The following GSG1L variants were observed in gnomAD, a reference collection of about 807,000 sequenced individuals.
GSG1L encodes the protein germ cell-specific gene 1-like protein.
A neutral mutation model predicts 42.1 loss-of-function variants in GSG1L; 24 were observed. The ratio of observed to expected loss-of-function variants is 0.57; its 90% CI spans 0.41 to 0.80. GSG1L has a LOEUF of 0.80. GSG1L is among the 30% of genes least tolerant of loss of function. The pLI is 0.00. For missense variants in GSG1L, 445 were observed against 472.2 expected (o/e 0.94, Z 0.53); for synonymous variants, 215 against 203.5 (o/e 1.06, Z -0.48).
intron 1 of GSG1L, among the ~76,000 whole-genome samples, chr16:27,979,731 G>GAA (rs745860945): frequency 2.8e-5 from 1 of 35,656 alleles, no homozygotes; most frequent in Non-Finnish European, 6.0e-5. Flanking sequence ...AGGAAGGAAA[G>GAA]AAAAAGAAAG....
At chr16:28,050,675 T>A (rs2086212602) in intron 1 of GSG1L, among the ~76,000 whole-genome samples, 1 of 152,348 alleles carries the variant, frequency 6.6e-6, no homozygotes, top group Admixed American at 6.5e-5. Context: ...AGAAAAAATG[T>A]AAAGCAGGCT....
chr16:27,870,576 C>A (rs183490944), intron 3 of GSG1L, among the ~76,000 whole-genome samples: 1 of 151,652 alleles, frequency 6.6e-6, no homozygotes, highest in East Asian at 1.9e-4. Context: ...CCACTCTCCT[C>A]TCTTCCCTTC....
rs187818374 is a variant in GSG1L at position 27,929,691 on chromosome 16, T to C, written c.397+33465A>G. Among the ~76,000 whole-genome samples, 88 of 152,312 alleles carry C rather than the reference T, an allele frequency of 5.8e-4. 1 individual carries two copies. The highest frequency in any genetic ancestry group is 2.0e-3 in the African/African-American group (83 of 41,566). On this transcript the variant is annotated intron_variant, in intron 2 of 6. Transcript: ENST00000447459. Reference sequence around the variant, plus strand: ...CCTATTACCCTGTCTAAATTGTGTTTCTTTTATTTGTGGTTTGGAAAAGTA... The same window carrying C: ...CCTATTACCCTGTCTAAATTGTGTTCCTTTTATTTGTGGTTTGGAAAAGTA...
chr16:27,913,312 G>A (rs1180524987), intron 2 of GSG1L, among the ~76,000 whole-genome samples: 1 of 152,170 alleles, frequency 6.6e-6, no homozygotes, highest in African/African-American at 2.4e-5. Context: ...GTTCTATCTA[G>A]AAGTCAAGAA....
intron 2 of GSG1L, among the ~76,000 whole-genome samples, chr16:27,902,754 C>T (rs2084275807): frequency 6.6e-6 from 1 of 152,194 alleles, no homozygotes; most frequent in East Asian, 1.9e-4. Context: ...CTGGCTGGAT[C>T]TTGGTTTTCT....
intron 3 of GSG1L, among the ~76,000 whole-genome samples, chr16:27,850,141 G>A (rs903076484): frequency 7.3e-6 from 1 of 137,770 alleles, no homozygotes; most frequent in South Asian, 2.3e-4. Flanking sequence ...TGATTCTCCT[G>A]CCTCAGCCTC....
chr16:28,058,668 G>A (rs776595694), intron 1 of GSG1L, among the ~76,000 whole-genome samples: 2 of 148,216 alleles, frequency 1.3e-5, no homozygotes, highest in Non-Finnish European at 3.0e-5. Context: ...TTAGAGCAAT[G>A]CCTTCCATCA....
chr16:27,873,662 C>A (rs116657850), intron 3 of GSG1L, among the ~76,000 whole-genome samples: 3,190 of 152,288 alleles, frequency 0.021, 48 homozygotes, highest in Middle Eastern at 0.048. Context: ...CTTCTACCAG[C>A]CCAGGGGGAT....
chr16:27,874,441 C>CTTTTTTTTTTTTTTTTTTTTT (rs71140916), intron 3 of GSG1L, among the ~76,000 whole-genome samples: 2 of 94,474 alleles, frequency 2.1e-5, no homozygotes, highest in African/African-American at 3.7e-5. Flanking sequence ...ACAGGAGAGC[C>CTTTTTTTTTTTTTTTTTTTTT]TTTTTTTTTT....
intron 6 of GSG1L, among the ~76,000 whole-genome samples, chr16:27,802,135 C>T (rs1277033647): frequency 1.3e-5 from 2 of 152,144 alleles, no homozygotes; most frequent in African/African-American, 4.8e-5. Flanking sequence ...GCATTGACCC[C>T]TTTCAAGCTC....
At chr16:27,817,922 C>T (rs907683674) in intron 5 of GSG1L, among the ~76,000 whole-genome samples, 1 of 152,172 alleles carries the variant, frequency 6.6e-6, no homozygotes, top group Non-Finnish European at 1.5e-5. Context: ...CCTCCTGACC[C>T]TATGACTGGG....
intron 1 of GSG1L, among the ~76,000 whole-genome samples, chr16:28,060,380 G>T (rs972463570): frequency 6.6e-6 from 1 of 152,206 alleles, no homozygotes; most frequent in Admixed American, 6.5e-5. Context: ...ACCCCAGCTG[G>T]CTCCGATTCC....
intron 1 of GSG1L, among the ~76,000 whole-genome samples, chr16:27,992,984 T>C (rs941244513): frequency 6.6e-6 from 1 of 152,214 alleles, no homozygotes. Context: ...ACGTACTATG[T>C]GCCAGGTGCT....
chr16:27,902,575 C>T (rs1356601166), intron 2 of GSG1L, among the ~76,000 whole-genome samples: 3 of 151,912 alleles, frequency 2.0e-5, no homozygotes, highest in Admixed American at 6.6e-5. Context: ...GAGGGGGGGC[C>T]GCTGGTGCAG....
chr16:27,789,463 G>A lies in GSG1L; in HGVS notation c.*1907C>T, dbSNP rs767874350. ...GGCTGATGAATGATGGATAAAGGAT[G>A]GATGGATGATGGATAGATGGATGAA... On this transcript the variant is annotated 3_prime_UTR_variant, in exon 7 of 7. Coordinates refer to ENST00000447459, the MANE Select transcript of GSG1L (RefSeq NM_001109763.2). The A allele has an allele frequency of 1.3e-5, 2 of 151,778 alleles. No individual in the cohort carries two copies. Among genetic ancestry groups the A allele is most frequent in the Non-Finnish European group, 2.9e-5 (2 of 67,928 alleles). 9.4% of individuals were successfully genotyped at this position (151,778 alleles called of 1,614,324 possible). A position where few individuals can be genotyped will look rare whatever the true frequency, so the allele number is the denominator to read the frequency against.
intron 3 of GSG1L, among the ~76,000 whole-genome samples, chr16:27,849,072 T>C (rs977068884): frequency 2.6e-5 from 4 of 151,898 alleles, no homozygotes; most frequent in African/African-American, 9.7e-5. Flanking sequence ...GGCACATGCC[T>C]CCGCTACTCG....
rs1337545156 is a variant in GSG1L at position 28,040,657 on chromosome 16, G to C, written c.349+22419C>G. 6.6e-6 allele frequency among the ~76,000 whole-genome samples: 1 copy of C among 152,192 alleles called. No individual in the cohort carries two copies. Among genetic ancestry groups the C allele is most frequent in the East Asian group, 1.9e-4 (1 of 5,194 alleles). On this transcript the variant is annotated intron_variant, in intron 1 of 6. Coordinates refer to ENST00000447459, the MANE Select transcript of GSG1L (RefSeq NM_001109763.2). This position sits in a 1 kb window ranked among gnomAD's most constrained non-coding sequence, Gnocchi z 4.1. ...GAAGAGACCCGCAGGACATGAAGAT[G>C]CTCTCAGAGCCCCCAGGCCTGAGAG...
chr16:27,859,781 T>C (rs1316892398), intron 3 of GSG1L, among the ~76,000 whole-genome samples: 1 of 151,846 alleles, frequency 6.6e-6, no homozygotes, highest in African/African-American at 2.4e-5. Flanking sequence ...GCTCAAGTGA[T>C]CCTCCCATCT....
chr16:27,966,307 C>T (rs2085132736), intron 1 of GSG1L, among the ~76,000 whole-genome samples: 1 of 152,130 alleles, frequency 6.6e-6, no homozygotes, highest in Admixed American at 6.6e-5. Context: ...ATTTTCCCAC[C>T]AGCCTGAGCA....
Sources: allele counts gnomAD v4.1 joint callset (sites outside exome capture counted in the v4.1 genomes callset), GRCh38; gene constraint gnomAD v4.1.1; non-coding constraint Gnocchi (gnomAD v3.1); transcripts MANE v1.5; gene names NCBI Gene and HGNC (gene_info 2026-07-23, HGNC 2026-07-21).